HK1: variants seen among roughly 807,000 people sequenced by gnomAD.
HK1 encodes the protein hexokinase-1.
In HK1, 28 loss-of-function variants were observed where a neutral mutation model predicts 91.6. The ratio of observed to expected loss-of-function variants is 0.31; its 90% CI spans 0.23 to 0.42. HK1 has a LOEUF of 0.42. HK1 is among the 10% of genes least tolerant of loss of function. The pLI is 1.00. For missense variants in HK1, 770 were observed against 1,219.8 expected, an observed-to-expected ratio of 0.63 and a Z score of 5.49; for synonymous variants, 430 against 468.1, an observed-to-expected ratio of 0.92 and a Z score of 1.05.
intron 1 of HK1, among the ~76,000 whole-genome samples, chr10:69,277,248 T>G (rs1844518223): frequency 6.6e-6 from 1 of 152,232 alleles, no homozygotes; most frequent in Non-Finnish European, 1.5e-5. Flanking sequence ...TTGAGTAATC[T>G]GTTTTGTGTC....
intron 17 of HK1, among the ~76,000 whole-genome samples, chr10:69,399,711 C>T (rs1469010420): frequency 6.6e-6 from 1 of 152,070 alleles, no homozygotes; most frequent in Non-Finnish European, 1.5e-5. Context: ...TGATTGTGAT[C>T]CACCGCATGT....
chr10:69,311,506 C>T (rs1250188752), upstream of HK1, among the ~76,000 whole-genome samples: 1 of 152,200 alleles, frequency 6.6e-6, no homozygotes, highest in Non-Finnish European at 1.5e-5. Context: ...TTTGAGATTG[C>T]TCTGGTCCAA....
intron 1 of HK1, among the ~76,000 whole-genome samples, chr10:69,273,544 GT>G (rs1844286035): frequency 6.6e-6 from 1 of 152,074 alleles, no homozygotes; most frequent in Non-Finnish European, 1.5e-5. Context: ...TAGAGATGGG[GT>G]TTCACCATGT....
At chr10:69,391,368 C>A (rs889894914) in intron 14 of HK1, among the ~76,000 whole-genome samples, 1 of 152,228 alleles carries the variant, frequency 6.6e-6, no homozygotes, top group Non-Finnish European at 1.5e-5. Context: ...TGGGGCTGGG[C>A]GTGGTGCCCA....
intron 3 of HK1, among the ~76,000 whole-genome samples, chr10:69,291,230 T>C (rs1056501715): frequency 1.3e-5 from 2 of 152,226 alleles, no homozygotes; most frequent in African/African-American, 2.4e-5. Flanking sequence ...GTCAGCAGGT[T>C]TGGACTCCTG....
chr10:69,363,463 C>T (rs60451785), intron 3 of HK1, among the ~76,000 whole-genome samples: 5,498 of 152,242 alleles, frequency 0.036, 338 homozygotes, highest in African/African-American at 0.13. Context: ...ACTGTAGCCT[C>T]GACCTCCTGG....
In HK1 at chr10:69,382,602, T is replaced by C; in HGVS notation, c.1381T>C (p.Tyr461His). 6.2e-7 allele frequency: 1 copy of C among 1,614,162 alleles called. No homozygotes were observed. Among genetic ancestry groups the C allele is most frequent in the East Asian group, 2.2e-5 (1 of 44,876 alleles). The change falls in exon 10 of 18, where the codon TAC (tyrosine) becomes CAC (histidine). Residue 461 changes from tyrosine (Y) to histidine (H), a missense_variant. This residue lies in a region of HK1 where 449 missense variants were observed against 665.1 expected (regional missense o/e 0.68). Coordinates refer to ENST00000359426, the MANE Select transcript of HK1 (RefSeq NM_000188.3). ...KGAAMVTAVA[Y>H]RLAEQHRQIE... The stretch of plus-strand genomic sequence containing the variant: ...GGCTGCCATGGTGACGGCGGTGGCC[T>C]ACCGCTTGGCCGAGCAGCACCGGCA...
chr10:69,322,886 G>A (rs1376492368), intron 1 of HK1, among the ~76,000 whole-genome samples: 3 of 139,540 alleles, frequency 2.1e-5, no homozygotes, highest in Non-Finnish European at 4.6e-5. Flanking sequence ...GCGAAACTCC[G>A]TCTCAAAAAA....
At chr10:69,277,135 C>T (rs150025254) in intron 1 of HK1, among the ~76,000 whole-genome samples, 2,938 of 152,278 alleles carry the variant, frequency 0.019, 48 homozygotes, top group Middle Eastern at 0.041. Context: ...ATATAAAATT[C>T]TAGATTCAAA....
intron 4 of HK1, among the ~76,000 whole-genome samples, chr10:69,299,169 G>A (rs181091237): frequency 1.3e-5 from 2 of 151,116 alleles, no homozygotes; most frequent in East Asian, 2.0e-4. Flanking sequence ...AATTCTGTAA[G>A]CTTAATAAGT....
At chr10:69,278,242 C>G (rs957123643) in intron 1 of HK1, among the ~76,000 whole-genome samples, 1 of 152,230 alleles carries the variant, frequency 6.6e-6, no homozygotes, top group African/African-American at 2.4e-5. Context: ...ATCTGAAGCA[C>G]TTGCTGTAAA....
chr10:69,373,961 T>TC (rs1850152981), intron 7 of HK1, among the ~76,000 whole-genome samples: 1 of 152,134 alleles, frequency 6.6e-6, no homozygotes, highest in Non-Finnish European at 1.5e-5. Context: ...GAATCCTTTT[T>TC]CCCTGTGATT....
At chr10:69,301,139 G>A (rs540067733) in intron 5 of HK1, among the ~76,000 whole-genome samples, 3 of 151,624 alleles carry the variant, frequency 2.0e-5, no homozygotes, top group South Asian at 4.2e-4. Flanking sequence ...CCAGCTACTC[G>A]GGAGGCTGAG....
chr10:69,327,689 A>G (rs1275328097), intron 1 of HK1, among the ~76,000 whole-genome samples: 1 of 152,032 alleles, frequency 6.6e-6, no homozygotes, highest in Admixed American at 6.6e-5. Context: ...CTCCCATCGG[A>G]AGTATGTGCA....
intron 5 of HK1, among the ~76,000 whole-genome samples, chr10:69,306,673 C>T (rs577447324): frequency 1.3e-5 from 2 of 152,346 alleles, no homozygotes; most frequent in African/African-American, 2.4e-5. Context: ...GAAGGGATAA[C>T]TTCTAGTCCA....
intron 1 of HK1, among the ~76,000 whole-genome samples, chr10:69,279,395 G>A (rs879884717): frequency 5.3e-5 from 8 of 152,214 alleles, no homozygotes; most frequent in Non-Finnish European, 1.2e-4. Flanking sequence ...ATTCTTTGAA[G>A]TAGAACTTGT....
chr10:69,382,550 C>T lies in HK1; in HGVS notation c.1329C>T (p.Leu443=), dbSNP rs1360386013. 1.9e-6 allele frequency: 3 copies of T among 1,614,230 alleles called. No individual in the cohort carries two copies. The highest frequency in any genetic ancestry group is 3.3e-5 in the Admixed American group (2 of 60,024). ...RLVPDSDVRF[L]LSESGSGKGA... ...TGCCAGACTCCGATGTGCGCTTCCT[C>T]CTCTCGGAGAGTGGCAGCGGCAAGG... The change falls in exon 10 of 18, where the codon CTC becomes CTT. Residue 443 remains leucine (L), a synonymous_variant. Coordinates refer to ENST00000359426, the MANE Select transcript of HK1 (RefSeq NM_000188.3).
chr10:69,314,218 T>G (rs1374468178), upstream of HK1, among the ~76,000 whole-genome samples: 1 of 152,206 alleles, frequency 6.6e-6, no homozygotes, highest in Non-Finnish European at 1.5e-5. Flanking sequence ...TTCCAGATGT[T>G]CCCATGGAAA....
At chr10:69,272,949 C>T (rs1437695915) in intron 1 of HK1, among the ~76,000 whole-genome samples, 1 of 150,492 alleles carries the variant, frequency 6.6e-6, no homozygotes, top group East Asian at 1.9e-4. Flanking sequence ...TCTTACATCT[C>T]TTTCAAGTTC....
Sources: allele counts gnomAD v4.1 joint callset (sites outside exome capture counted in the v4.1 genomes callset), GRCh38; gene constraint gnomAD v4.1.1; regional missense constraint gnomAD v4.1.1; transcripts MANE v1.5; gene names NCBI Gene and HGNC (gene_info 2026-07-23, HGNC 2026-07-21).